The following NMT1 variants were observed in gnomAD, a reference collection of about 807,000 sequenced individuals.
The protein encoded by NMT1 is glycylpeptide N-tetradecanoyltransferase 1.
Under a neutral mutation model 63.4 loss-of-function variants are expected in NMT1, and 12 were observed. The ratio of observed to expected loss-of-function variants is 0.19; its 90% confidence interval spans 0.12 to 0.31. NMT1 has a LOEUF of 0.31. NMT1 is among the 10% of genes least tolerant of loss of function. The pLI is 1.00. For synonymous variants in NMT1, 228 were observed against 234.3 expected (o/e 0.97, Z 0.25); for missense variants, 432 against 634.6 (o/e 0.68, Z 3.43).
chr17:45,078,945 G>T (rs1951603077), intron 1 of NMT1, among the ~76,000 whole-genome samples: 1 of 151,964 alleles, frequency 6.6e-6, no homozygotes, highest in African/African-American at 2.4e-5. Context: ...TTACAGGCAT[G>T]ACCCACCATG....
Position 45,104,746 on chromosome 17 carries a change from A to T in NMT1, c.1333-113A>T. The T allele has an allele frequency of 6.5e-7, 1 of 1,535,048 alleles. No homozygotes were observed. Among genetic ancestry groups the T allele is most frequent in the South Asian group, 1.3e-5 (1 of 79,624 alleles). On this transcript the variant is annotated intron_variant, in intron 10 of 11. Coordinates refer to ENST00000258960, the MANE Select transcript of NMT1 (RefSeq NM_021079.5). The surrounding 1 kb of genome is among the most constrained non-coding windows in gnomAD (Gnocchi z 4.2). Reference sequence around the variant, plus strand: ...TGGAAGCAGCGGAGCTTCTGAGGGAACCTTGTTCTTGTGGCTGCCCACAGG... The same window carrying T: ...TGGAAGCAGCGGAGCTTCTGAGGGATCCTTGTTCTTGTGGCTGCCCACAGG...
chr17:45,091,187 GACACACACACACACACACACAC>G (rs3062356), intron 3 of NMT1, among the ~76,000 whole-genome samples: 13 of 120,982 alleles, frequency 1.1e-4, no homozygotes, highest in Admixed American at 6.7e-4. Context: ...GGTCTTTCCT[GACACACACACACACACACACAC>G]ACACACACAC....
intron 1 of NMT1, among the ~76,000 whole-genome samples, chr17:45,064,142 G>A (rs1472417348): frequency 2.0e-5 from 3 of 151,978 alleles, no homozygotes; most frequent in South Asian, 4.2e-4. Context: ...CTGAGATTGC[G>A]CCACTGCACA....
At chr17:45,092,976 G>A (rs889163788) in intron 3 of NMT1, among the ~76,000 whole-genome samples, 2 of 152,200 alleles carry the variant, frequency 1.3e-5, no homozygotes, top group Non-Finnish European at 2.9e-5. Flanking sequence ...ATATGAGTCC[G>A]ATTGAGCTCT....
chr17:45,066,039 G>GTCA (rs1191068270), intron 1 of NMT1, among the ~76,000 whole-genome samples: 1 of 152,038 alleles, frequency 6.6e-6, no homozygotes, highest in South Asian at 2.1e-4. Context: ...AGGAACTAAA[G>GTCA]TCATAGTACT....
intron 1 of NMT1, among the ~76,000 whole-genome samples, chr17:45,070,071 A>C (rs34108277): frequency 0.015 from 2,357 of 152,290 alleles, 56 homozygotes; most frequent in South Asian, 0.069. Context: ...TAAGGAGTTT[A>C]GTATACCAGA....
chr17:45,071,063 C>T (rs995680495), intron 1 of NMT1, among the ~76,000 whole-genome samples: 1 of 152,288 alleles, frequency 6.6e-6, no homozygotes, highest in Non-Finnish European at 1.5e-5. Context: ...ATTTCATTCA[C>T]CTCTCTTTGG....
chr17:45,093,710 C>T lies in NMT1; in HGVS notation c.411C>T (p.Pro137=), dbSNP rs147841016. 24 of 1,614,112 alleles carry T rather than the reference C, an allele frequency of 1.5e-5. No homozygotes were observed. Among genetic ancestry groups the T allele is most frequent in the African/African-American group, 6.7e-5 (5 of 74,942 alleles). ...GCGAAGTGGTGAACACCCATGGCCC[C>T]GTGGAGCCTGACAAGGACAATATCC... ...KLGEVVNTHG[P]VEPDKDNIRQ... The change falls in exon 4 of 12, where the codon CCC becomes CCT. Residue 137 remains proline (P), a synonymous_variant. Transcript: ENST00000258960.
chr17:45,063,204 CAAAAAA>C (rs5820561), intron 1 of NMT1, among the ~76,000 whole-genome samples: 6 of 79,992 alleles, frequency 7.5e-5, no homozygotes, highest in African/African-American at 2.0e-4. Flanking sequence ...GACTCCGACT[CAAAAAA>C]AAAAAAAAAA....
chr17:45,065,617 C>CTT (rs1411602946), intron 1 of NMT1, among the ~76,000 whole-genome samples: 5 of 106,416 alleles, frequency 4.7e-5, no homozygotes, highest in Non-Finnish European at 9.1e-5. Context: ...GAGCCAGACT[C>CTT]TGTCTCAAAA....
chr17:45,086,275 C>T (rs1194659141), intron 2 of NMT1, among the ~76,000 whole-genome samples: 1 of 152,016 alleles, frequency 6.6e-6, no homozygotes, highest in Non-Finnish European at 1.5e-5. Flanking sequence ...CAGGTGCCCG[C>T]CACCACGCCT....
intron 1 of NMT1, among the ~76,000 whole-genome samples, chr17:45,072,090 A>G (rs2053943667): frequency 6.6e-6 from 1 of 152,046 alleles, no homozygotes. Context: ...TGTCTCTACA[A>G]AACATATAAA....
At chr17:45,086,930 G>A (rs1186422024) in intron 3 of NMT1, among the ~76,000 whole-genome samples, 2 of 151,968 alleles carry the variant, frequency 1.3e-5, no homozygotes, top group African/African-American at 4.8e-5. Flanking sequence ...AGGCCGAGGT[G>A]GGAGGATTGT....
At chr17:45,079,350 C>T (rs1213419989) in intron 1 of NMT1, among the ~76,000 whole-genome samples, 1 of 152,136 alleles carries the variant, frequency 6.6e-6, no homozygotes, top group Non-Finnish European at 1.5e-5. Context: ...GATCTGTCTG[C>T]CGCGGCTTCC....
intron 2 of NMT1, among the ~76,000 whole-genome samples, chr17:45,083,494 T>C (rs1040345506): frequency 1.3e-5 from 2 of 152,214 alleles, no homozygotes; most frequent in African/African-American, 2.4e-5. Flanking sequence ...AAGTAATTTT[T>C]TTACTATTTC....
At chr17:45,079,323 C>T (rs1234396400) in intron 1 of NMT1, among the ~76,000 whole-genome samples, 4 of 152,036 alleles carry the variant, frequency 2.6e-5, no homozygotes, top group African/African-American at 4.8e-5. Flanking sequence ...AGGCTGGTCT[C>T]GAACTCCTGA....
intron 8 of NMT1, among the ~76,000 whole-genome samples, chr17:45,102,495 T>C (rs1598020148): frequency 6.6e-6 from 1 of 152,108 alleles, no homozygotes; most frequent in Non-Finnish European, 1.5e-5. Context: ...GGCCCTGGGG[T>C]CTGTCCGCGA....
Position 45,071,598 on chromosome 17 carries a change from GAA to G in NMT1, c.132-10043_132-10042del, listed in dbSNP as rs906950748. On this transcript the variant is annotated intron_variant, in intron 1 of 11. Transcript: ENST00000258960. ...GAGATCTGAGAGCTACAGTGAAAAA[GAA>G]AAGTGGCCAAATTTGTGAATTTTAT... 133 of 152,296 alleles carry G rather than the reference GAA, an allele frequency of 8.7e-4. 2 individuals are homozygous for G. Among genetic ancestry groups the G allele is most frequent in the African/African-American group, 3.1e-3 (129 of 41,566 alleles). 9.4% of individuals were successfully genotyped at this position (152,296 alleles called of 1,614,324 possible). A position where few individuals can be genotyped will look rare whatever the true frequency, so the allele number is the denominator to read the frequency against.
chr17:45,100,068 G>A (rs2143516461), intron 8 of NMT1, among the ~76,000 whole-genome samples: 1 of 152,236 alleles, frequency 6.6e-6, no homozygotes, highest in East Asian at 1.9e-4. Context: ...TGCTCCAACT[G>A]TGGCTGGCTT....
Sources: allele counts gnomAD v4.1 joint callset (sites outside exome capture counted in the v4.1 genomes callset), GRCh38; gene constraint gnomAD v4.1.1; non-coding constraint Gnocchi (gnomAD v3.1); transcripts MANE v1.5; gene names NCBI Gene and HGNC (gene_info 2026-07-23, HGNC 2026-07-21).